The following KIF20B variants were observed in gnomAD, a reference collection of about 807,000 sequenced individuals.
The protein encoded by KIF20B is kinesin-like protein KIF20B.
Under a neutral mutation model 232.5 loss-of-function variants are expected in KIF20B, and 188 were observed. That is an observed-to-expected ratio of 0.81 (90% CI 0.72 to 0.91). The LOEUF (loss-of-function observed/expected upper bound fraction) is 0.91. Among genes scored for constraint, KIF20B ranks in the 40% least tolerant of loss-of-function variants. The pLI is 0.00. For synonymous variants in KIF20B, 712 were observed against 683.0 expected (o/e 1.04, Z -0.66); for missense variants, 2,154 against 2,055.9 (o/e 1.05, Z -0.92).
intron 31 of KIF20B, among the ~76,000 whole-genome samples, chr10:89,772,126 T>A (rs980456190): frequency 6.6e-6 from 1 of 152,052 alleles, no homozygotes. Context: ...ATGTTTTCTA[T>A]TAAAAAAAAG....
chr10:89,760,109 C>G (rs913889525), intron 27 of KIF20B, among the ~76,000 whole-genome samples: 1 of 152,176 alleles, frequency 6.6e-6, no homozygotes, highest in Non-Finnish European at 1.5e-5. Context: ...TCAAAAGCAA[C>G]TGTTGGGATA....
chr10:89,709,450 A>C lies in KIF20B; in HGVS notation c.340A>C (p.Ser114Arg). ...KSSGQMAQKF[S>R]FSKVFGPATT... ...CTCAGGGCAGATGGCACAGAAATTCAGTTTTTCCAAGGTAAAACTGAAGTG... is the reference window on the plus strand; with the variant it reads ...CTCAGGGCAGATGGCACAGAAATTCCGTTTTTCCAAGGTAAAACTGAAGTG... Residue 114 changes from serine to arginine, a missense_variant, in exon 4 of 33, where the codon AGT becomes CGT. Coordinates refer to ENST00000371728, the MANE Select transcript of KIF20B (RefSeq NM_001284259.2). The C allele has an allele frequency of 6.2e-7, 1 of 1,609,062 alleles. No individual in the cohort carries two copies. The highest frequency in any genetic ancestry group is 1.1e-5 in the South Asian group (1 of 90,768).
At chr10:89,731,899 G>A (rs1322710502) in intron 18 of KIF20B, among the ~76,000 whole-genome samples, 4 of 152,116 alleles carry the variant, frequency 2.6e-5, no homozygotes, top group Non-Finnish European at 5.9e-5. Flanking sequence ...ATTACTTTAT[G>A]ACTTTAAAAG....
intron 19 of KIF20B, among the ~76,000 whole-genome samples, 178 bp from the exon 20 acceptor site, chr10:89,737,209 T>C (rs1841675932): frequency 6.6e-6 from 1 of 152,050 alleles, no homozygotes. Context: ...ATAAATGGGC[T>C]CATACCACAT....
chr10:89,739,068 A>T lies in KIF20B; in HGVS notation c.3887A>T (p.Lys1296Ile). 6.2e-7 allele frequency: 1 copy of T among 1,613,208 alleles called. No homozygotes were observed. Among genetic ancestry groups the T allele is most frequent in the Non-Finnish European group, 8.5e-7 (1 of 1,179,562 alleles). The part of the protein sequence containing the change: ...ADLKEKLTDA[K>I]KQIKQVQKEV... ...CTGAAAGAGAAACTGACTGATGCCA[A>T]AAAGCAGATTAAGCAAGTACAGAAA... The change falls in exon 21 of 33, where the codon AAA becomes ATA. Residue 1296 changes from lysine (K) to isoleucine (I), a missense_variant. Physicochemically the swap from Lys to Ile is moderately radical, Grantham distance 102. Transcript: ENST00000371728.
chr10:89,761,594 G>T (rs1842242697), intron 28 of KIF20B, among the ~76,000 whole-genome samples: 2 of 152,124 alleles, frequency 1.3e-5, no homozygotes. Flanking sequence ...CTACAGGCAT[G>T]TGCCACCATG....
chr10:89,757,926 G>A (rs574514346), intron 26 of KIF20B, among the ~76,000 whole-genome samples: 2 of 151,166 alleles, frequency 1.3e-5, no homozygotes, highest in Non-Finnish European at 3.0e-5. Context: ...ACTTTTTTAA[G>A]TCAGTTGACC....
In KIF20B at chr10:89,702,756, T is replaced by A. The variant is rs1488945742; in HGVS notation, c.-2+1076T>A. Among the ~76,000 whole-genome samples, 4 of 53,862 alleles carry A rather than the reference T, an allele frequency of 7.4e-5. No homozygotes were observed. In the East Asian group the frequency reaches 4.3e-3, roughly 58 times the overall value. 35.3% of individuals were successfully genotyped at this position (53,862 alleles called of 152,430 possible). On this transcript the variant is annotated intron_variant, in intron 1 of 32. Coordinates refer to ENST00000371728, the MANE Select transcript of KIF20B (RefSeq NM_001284259.2). ...GATAATATTACAGACTAGGACCGAC[T>A]TTTTTTTTTTTTTTTGGAATAGTAT...
At position 89,738,218 on chromosome 10, in the gene KIF20B, A is replaced by G; in HGVS notation, c.3377A>G (p.Glu1126Gly). The change falls in exon 20 of 33, where the codon GAA becomes GGA. Residue 1126 changes from glutamate (E) to glycine (G), a missense_variant. Coordinates refer to ENST00000371728, the MANE Select transcript of KIF20B (RefSeq NM_001284259.2). ...EKETLIQQLK[E>G]ELQEKNVTLD... ...GAAACTCTTATACAGCAGCTGAAAG[A>G]AGAATTGCAAGAAAAAAATGTTACT... The G allele has an allele frequency of 6.2e-7, 1 of 1,602,064 alleles. No individual in the cohort carries two copies. The highest frequency in any genetic ancestry group is 8.5e-7 in the Non-Finnish European group (1 of 1,177,576).
intron 4 of KIF20B, 118 bp from the exon 5 acceptor site, chr10:89,709,809 G>C: frequency 1.4e-6 from 1 of 713,848 alleles, no homozygotes; most frequent in Non-Finnish European, 2.1e-6. Flanking sequence ...GAGTGGGGAT[G>C]TGGCACCTAT....
chr10:89,748,084 A>C (rs1364993548), intron 23 of KIF20B, among the ~76,000 whole-genome samples: 2 of 152,222 alleles, frequency 1.3e-5, no homozygotes, highest in Non-Finnish European at 2.9e-5. Context: ...ATCTCAGCTC[A>C]CTGCAACCTC....
intron 14 of KIF20B, 27 bp from the exon 15 acceptor site, chr10:89,724,993 T>G: frequency 6.2e-7 from 1 of 1,604,706 alleles, no homozygotes; most frequent in Non-Finnish European, 8.5e-7. Context: ...TTTCTGTTTC[T>G]TAATGGGATT....
intron 18 of KIF20B, among the ~76,000 whole-genome samples, chr10:89,732,630 T>G (rs1459014216): frequency 1.3e-5 from 2 of 152,174 alleles, no homozygotes; most frequent in Admixed American, 1.3e-4. Flanking sequence ...CAAAACAAAA[T>G]AAATAGTTGA....
chr10:89,740,258 G>A (rs1419758240), intron 21 of KIF20B, among the ~76,000 whole-genome samples: 1 of 120,000 alleles, frequency 8.3e-6, no homozygotes, highest in East Asian at 2.4e-4. Context: ...TTTAAAGTAT[G>A]TAGTTTTTAT....
intron 13 of KIF20B, among the ~76,000 whole-genome samples, chr10:89,721,581 G>A (rs1011725179): frequency 1.4e-4 from 22 of 152,106 alleles, no homozygotes; most frequent in Admixed American, 5.2e-4. Flanking sequence ...GCAGTGGGAA[G>A]ATTGCTTGAG....
chr10:89,725,230 A>T lies in KIF20B; in HGVS notation c.2001+72A>T. 1.4e-5 allele frequency: 18 copies of T among 1,275,026 alleles called. No individual in the cohort carries two copies. In the South Asian group the frequency reaches 1.8e-4, roughly 13 times the overall value. 79.0% of individuals were successfully genotyped at this position (1,275,026 alleles called of 1,614,324 possible). A position where few individuals can be genotyped will look rare whatever the true frequency, so the allele number is the denominator to read the frequency against. ...CAGGGTTTAGTGTACCACATCAATGATGAGAAACACCAAGATAGTTTAGAA... is the reference window on the plus strand; with the variant it reads ...CAGGGTTTAGTGTACCACATCAATGTTGAGAAACACCAAGATAGTTTAGAA... On this transcript the variant is annotated intron_variant, in intron 15 of 32. Coordinates refer to ENST00000371728, the MANE Select transcript of KIF20B (RefSeq NM_001284259.2).
chr10:89,768,879 CA>C lies in KIF20B; in HGVS notation c.5235del (p.Gln1745HisfsTer7). On this transcript the variant is annotated frameshift_variant, in exon 31 of 33. Coordinates refer to ENST00000371728, the MANE Select transcript of KIF20B (RefSeq NM_001284259.2). LOFTEE classifies it high-confidence loss of function. ...CTTACAACATTCTCCCTCAATTCTT[CA>C]ATCAAAAGGTTTGCAGAAAATTAAT... ...DFLQHSPSIL[Q>X]SKAKKIIETM... 1 of 1,591,504 alleles carries C rather than the reference CA, an allele frequency of 6.3e-7. No homozygotes were observed. The highest frequency in any genetic ancestry group is 8.5e-7 in the Non-Finnish European group (1 of 1,173,380).
At chr10:89,773,105 CTT>C (rs375762055) in intron 32 of KIF20B, among the ~76,000 whole-genome samples, 5 of 151,976 alleles carry the variant, frequency 3.3e-5, no homozygotes, top group African/African-American at 1.2e-4. Flanking sequence ...CCTCCACAAT[CTT>C]TTTTTCTTTT....
intron 28 of KIF20B, 41 bp downstream of exon 28, chr10:89,760,677 A>G: frequency 8.6e-7 from 1 of 1,166,370 alleles, no homozygotes. Context: ...TATTCTCTTT[A>G]TCCACTATTA....
Sources: gnomAD v4.1 joint callset for allele counts (sites outside exome capture counted in the v4.1 genomes callset) on GRCh38, gnomAD v4.1.1 for gene constraint, MANE v1.5 for transcripts, NCBI Gene and HGNC (gene_info 2026-07-23, HGNC 2026-07-21) for gene names.